Variants in RBBP7 observed in about 807,000 individuals in gnomAD.
The protein encoded by RBBP7 is histone-binding protein RBBP7.
RBBP7 carries 5 observed loss-of-function variants against 35.2 expected under a neutral mutation model. That is an observed-to-expected ratio of 0.14 (90% CI 0.07 to 0.30). RBBP7 has a LOEUF of 0.30. Among genes scored for constraint, RBBP7 ranks in the 10% least tolerant of loss-of-function variants. RBBP7 has a pLI of 1.00. For missense variants in RBBP7, 155 were observed against 327.5 expected, an observed-to-expected ratio of 0.47 and a Z score of 4.07; for synonymous variants, 140 against 118.7, an observed-to-expected ratio of 1.18 and a Z score of -1.17.
At chrX:16,855,644 T>C (rs1930329545) in intron 5 of RBBP7, among the ~76,000 whole-genome samples, 1 of 110,784 alleles carries the variant, frequency 9.0e-6, no homozygotes, top group African/African-American at 3.3e-5. Context: ...AAGGTACTAG[T>C]AATTGGGTTA....
intron 2 of RBBP7, among the ~76,000 whole-genome samples, chrX:16,867,130 C>A (rs950636972): frequency 8.9e-6 from 1 of 111,810 alleles, no homozygotes; most frequent in Non-Finnish European, 1.9e-5. Flanking sequence ...CAGCATCAGT[C>A]ACCACTTACC....
chrX:16,862,993 GCAT>G lies in RBBP7; in HGVS notation c.266_268del (p.Asp89del). 8.3e-7 allele frequency: 1 copy of G among 1,211,130 alleles called. No individual in the cohort carries two copies. The highest frequency in any genetic ancestry group is 1.1e-6 in the Non-Finnish European group (1 of 895,018). ...GTCACAATGGGAAGCATCAAACTGT[GCAT>G]CATCATTGGGAATATGTACTCGAGC... On this transcript the variant is annotated inframe_deletion, in exon 3 of 12. Coordinates refer to ENST00000380087, the MANE Select transcript of RBBP7 (RefSeq NM_002893.4).
At chrX:16,861,480 A>C (rs1195223669) in intron 3 of RBBP7, among the ~76,000 whole-genome samples, 1 of 111,160 alleles carries the variant, frequency 9.0e-6, no homozygotes, top group East Asian at 2.8e-4. Context: ...AGTAGCTAGG[A>C]CTACAGGCAT....
Position 16,870,198 on chromosome X carries a change from G to GCTCCCCAGACGCCGCGTC in RBBP7, c.-163_-146dup. The GCTCCCCAGACGCCGCGTC allele has an allele frequency of 3.9e-6, 3 of 764,805 alleles. No individual in the cohort carries two copies. Among genetic ancestry groups the GCTCCCCAGACGCCGCGTC allele is most frequent in the Non-Finnish European group, 4.8e-6 (3 of 623,322 alleles). 63.0% of individuals were successfully genotyped at this position (764,805 alleles called of 1,213,427 possible). A position where few individuals can be genotyped will look rare whatever the true frequency, so the allele number is the denominator to read the frequency against. ...CCGGGCCCCGTCTTGCTGCCTGGGTGCTCCCCAGACGCCGCGTCCTTCTTT... is the reference window on the plus strand; with the variant it reads ...CCGGGCCCCGTCTTGCTGCCTGGGTGCTCCCCAGACGCCGCGTCCTCCCCAGACGCCGCGTCCTTCTTT... On this transcript the variant is annotated 5_prime_UTR_variant, in exon 1 of 12. Coordinates refer to ENST00000380087, the MANE Select transcript of RBBP7 (RefSeq NM_002893.4).
At chrX:16,866,794 C>A (rs756481600) in intron 2 of RBBP7, among the ~76,000 whole-genome samples, 4 of 109,854 alleles carry the variant, frequency 3.6e-5, no homozygotes, top group Non-Finnish European at 7.6e-5. Context: ...AACACAGTCC[C>A]TTTATACCCC....
In RBBP7 at chrX:16,863,009, T is replaced by A. The variant is rs1397764010; in HGVS notation, c.253A>T (p.Ile85Phe). The A allele has an allele frequency of 8.3e-7, 1 of 1,211,233 alleles. No homozygotes were observed. Among genetic ancestry groups the A allele is most frequent in the Non-Finnish European group, 1.1e-6 (1 of 894,974 alleles). Residue 85 changes from isoleucine (I) to phenylalanine (F), a missense_variant, in exon 3 of 12, where the codon ATT becomes TTT. By Grantham distance (21) the Ile-to-Phe change is conservative. Coordinates refer to ENST00000380087, the MANE Select transcript of RBBP7 (RefSeq NM_002893.4). Reference sequence around the variant, plus strand: ...TCAAACTGTGCATCATCATTGGGAATATGTACTCGAGCAACCACCAGATGA... The same window carrying A: ...TCAAACTGTGCATCATCATTGGGAAAATGTACTCGAGCAACCACCAGATGA... ...QNHLVVARVHIPNDDAQFDAS... is the reference protein window; with the variant it reads ...QNHLVVARVHFPNDDAQFDAS...
At chrX:16,868,457 C>G (rs960607626) in intron 2 of RBBP7, among the ~76,000 whole-genome samples, 4 of 111,956 alleles carry the variant, frequency 3.6e-5, no homozygotes, top group African/African-American at 1.3e-4. Flanking sequence ...AACAACAGGA[C>G]GTAGATTCTT....
At chrX:16,858,419 C>A (rs746865401) in intron 4 of RBBP7, among the ~76,000 whole-genome samples, 3 of 111,740 alleles carry the variant, frequency 2.7e-5, no homozygotes, top group Non-Finnish European at 5.6e-5. Context: ...TAGCTAACCC[C>A]TCTGGACTTC....
At chrX:16,858,078 GT>G (rs758733736) in intron 4 of RBBP7, among the ~76,000 whole-genome samples, 2 of 111,571 alleles carry the variant, frequency 1.8e-5, no homozygotes, top group African/African-American at 6.5e-5. Context: ...CCCTGGGAAT[GT>G]GACCCTCAGA....
At chrX:16,850,112 C>G (rs1235089586) in intron 9 of RBBP7, among the ~76,000 whole-genome samples, 1 of 112,338 alleles carries the variant, frequency 8.9e-6, no homozygotes, top group Non-Finnish European at 1.9e-5. Context: ...ACCAAACAAT[C>G]TCAAACCTGT....
intron 2 of RBBP7, among the ~76,000 whole-genome samples, chrX:16,868,853 C>G (rs1011429930): frequency 8.9e-6 from 1 of 112,135 alleles, no homozygotes; most frequent in African/African-American, 3.3e-5. Flanking sequence ...AGTGCTTCCT[C>G]CAAACACGAT....
chrX:16,860,474 G>A (rs753214475), intron 3 of RBBP7, among the ~76,000 whole-genome samples: 38 of 109,227 alleles, frequency 3.5e-4, no homozygotes, highest in Admixed American at 1.5e-3. Context: ...GGATCATGAG[G>A]TCAGGAAAGC....
intron 10 of RBBP7, chrX:16,846,676 AAC>A (rs1449757976): frequency 8.9e-6 from 1 of 112,224 alleles, no homozygotes; most frequent in Non-Finnish European, 1.9e-5. Flanking sequence ...ATTTAAACGA[AAC>A]ACTTCTTCAC....
At chrX:16,868,630 G>C (rs1019871651) in intron 2 of RBBP7, among the ~76,000 whole-genome samples, 1 of 112,436 alleles carries the variant, frequency 8.9e-6, no homozygotes, top group Admixed American at 9.4e-5. Flanking sequence ...TTGTTGACAA[G>C]GTCTTTTTCC....
At chrX:16,852,900 C>T (rs1188956269) in intron 6 of RBBP7, 25 bp from the exon 7 acceptor site, 6 of 1,207,537 alleles carry the variant, frequency 5.0e-6, no homozygotes, top group East Asian at 3.0e-5. Flanking sequence ...TAAAGGCACA[C>T]GGCACCCAGG....
chrX:16,865,062 T>TAAAA (rs1930577930), intron 2 of RBBP7, among the ~76,000 whole-genome samples: 1 of 11,717 alleles, frequency 8.5e-5, no homozygotes, highest in Non-Finnish European at 1.1e-4. Context: ...AGACCCTGTC[T>TAAAA]CAAAAAAAAA....
At chrX:16,846,722 G>A (rs1228618287) in intron 10 of RBBP7, 1 of 112,349 alleles carries the variant, frequency 8.9e-6, no homozygotes, top group Non-Finnish European at 1.9e-5. Flanking sequence ...TTGGAACTGG[G>A]ACATCACACT....
chrX:16,852,530 C>T (rs1468365152), intron 8 of RBBP7, 21 bp downstream of exon 8: 1 of 1,199,973 alleles, frequency 8.3e-7, no homozygotes, highest in Admixed American at 2.2e-5. Flanking sequence ...GACATACAGA[C>T]ACCAGAAAAC....
chrX:16,869,327 C>T, intron 1 of RBBP7, 107 bp from the exon 2 acceptor site: 1 of 1,071,408 alleles, frequency 9.3e-7, no homozygotes, highest in Non-Finnish European at 1.3e-6. Context: ...TTCCTTTTAC[C>T]TCTAATTTGG....
Sources: gnomAD v4.1 joint callset for allele counts (sites outside exome capture counted in the v4.1 genomes callset) on GRCh38, gnomAD v4.1.1 for gene constraint, MANE v1.5 for transcripts, NCBI Gene and HGNC (gene_info 2026-07-23, HGNC 2026-07-21) for gene names.